Variants in TCF25 observed in about 807,000 individuals in gnomAD.
TCF25 encodes the protein TCF25 ribosome quality control complex subunit, also known as ribosome quality control complex subunit TCF25.
In TCF25, 41 loss-of-function variants were observed where a neutral mutation model predicts 83.1. That is an observed-to-expected ratio of 0.49 (90% confidence interval 0.38 to 0.64). The LOEUF is 0.64. TCF25 is among the 30% of genes least tolerant of loss of function. The probability of loss-of-function intolerance (pLI) is 0.00; values close to 1 mark genes in which losing one functional copy is unlikely to be tolerated. For synonymous variants in TCF25, 458 were observed against 365.0 expected, an observed-to-expected ratio of 1.25 and a Z score of -2.90; for missense variants, 979 against 914.5, an observed-to-expected ratio of 1.07 and a Z score of -0.91.
chr16:89,873,710 G>A lies in TCF25; in HGVS notation c.43G>A (p.Gly15Ser). ...ALRRLRGEQR[G>S]QEPLGPGALH... ...CCGGAGGCTGAGGGGGGAACAGCGC[G>A]GCCAGGAGCCCCTCGGGCCCGGCGC... The change falls in exon 1 of 18, where the codon GGC becomes AGC. Residue 15 changes from glycine to serine, a missense_variant. Transcript: ENST00000263346. 1 of 1,609,872 alleles carries A rather than the reference G, an allele frequency of 6.2e-7. No individual in the cohort carries two copies. The highest frequency in any genetic ancestry group is 8.5e-7 in the Non-Finnish European group (1 of 1,178,890).
At position 89,873,672 on chromosome 16, in the gene TCF25, C is replaced by T. The variant is rs1408589755; in HGVS notation, c.5C>T (p.Ser2Leu). Reference sequence around the variant, plus strand: ...ACGTCGTGGTCGTTCGGTCCTATGTCGCGCCGGGCCCTCCGGAGGCTGAGG... The same window carrying T: ...ACGTCGTGGTCGTTCGGTCCTATGTTGCGCCGGGCCCTCCGGAGGCTGAGG... The part of the protein sequence containing the change: M[S>L]RRALRRLRGE... Residue 2 changes from serine to leucine, a missense_variant, in exon 1 of 18, where the codon TCG (serine) becomes TTG (leucine). Transcript: ENST00000263346. 1 of 1,595,698 alleles carries T rather than the reference C, an allele frequency of 6.3e-7. No individual in the cohort carries two copies. Among genetic ancestry groups the T allele is most frequent in the Non-Finnish European group, 8.5e-7 (1 of 1,174,374 alleles).
chr16:89,875,045 G>A (rs1180409376), intron 1 of TCF25, among the ~76,000 whole-genome samples: 1 of 152,158 alleles, frequency 6.6e-6, no homozygotes, highest in Non-Finnish European at 1.5e-5. Context: ...TGTTGCCCAG[G>A]CTGGAGTGCA....
At chr16:89,890,731 C>T (rs1364754106) in intron 5 of TCF25, 1 of 151,984 alleles carries the variant, frequency 6.6e-6, no homozygotes. Context: ...TATATTTTTG[C>T]ATGGTTTTAT....
intron 12 of TCF25, among the ~76,000 whole-genome samples, chr16:89,902,622 G>A (rs1275033378): frequency 6.8e-6 from 1 of 147,174 alleles, no homozygotes; most frequent in East Asian, 2.3e-4. Flanking sequence ...CCAGGAGGCA[G>A]AGCTTGCAGT....
At chr16:89,896,657 C>T (rs1216231059) in intron 9 of TCF25, among the ~76,000 whole-genome samples, 1 of 151,534 alleles carries the variant, frequency 6.6e-6, no homozygotes. Context: ...GGGTTCAAGC[C>T]ATTCTCCTGC....
intron 2 of TCF25, chr16:89,883,797 C>T (rs1055417394): frequency 6.2e-6 from 2 of 325,114 alleles, no homozygotes; most frequent in Non-Finnish European, 1.1e-5. Flanking sequence ...ACGTGTGTCC[C>T]TCCTAGCCGA....
intron 1 of TCF25, among the ~76,000 whole-genome samples, chr16:89,878,921 G>A (rs1011606675): frequency 1.8e-4 from 27 of 152,316 alleles, no homozygotes; most frequent in African/African-American, 6.0e-4. Flanking sequence ...GATTACAGGC[G>A]TGAGCCACCG....
rs552201446 is a variant in TCF25, at chr16:89,895,203, C to T, written c.928+66C>T. On this transcript the variant is annotated intron_variant, in intron 8 of 17. Transcript: ENST00000263346. ...GCACCTCAAGCTATCAAGACAGATG[C>T]GATGGTGTAAGATGACAGGGGTTGC... 4.2e-5 allele frequency: 61 copies of T among 1,449,548 alleles called. No homozygotes were observed. The South Asian group carries it at 4.6e-4, about 11-fold the overall frequency. The allele number at this position is 1,449,548 out of a possible 1,614,324, so 89.8% of individuals were successfully genotyped here.
chr16:89,889,470 C>G, intron 5 of TCF25: 1 of 207,898 alleles, frequency 4.8e-6, no homozygotes, highest in South Asian at 6.4e-5. Flanking sequence ...AGCCACCACG[C>G]CCAGCCAGAC....
chr16:89,875,331 G>T (rs1006104609), intron 1 of TCF25, among the ~76,000 whole-genome samples: 4 of 151,636 alleles, frequency 2.6e-5, no homozygotes, highest in African/African-American at 9.7e-5. Context: ...TTTTATAGGG[G>T]GTTTGGACAG....
chr16:89,896,462 C>T (rs1016334743), intron 9 of TCF25, among the ~76,000 whole-genome samples: 1 of 151,738 alleles, frequency 6.6e-6, no homozygotes, highest in African/African-American at 2.4e-5. Context: ...AATCCCAGCA[C>T]TTTGGGAGGC....
At position 89,887,684 on chromosome 16, in the gene TCF25, AT is replaced by A; in HGVS notation, c.585del (p.Phe195LeufsTer25). 1.3e-6 allele frequency: 2 copies of A among 1,589,688 alleles called. No individual in the cohort carries two copies. The highest frequency in any genetic ancestry group is 1.7e-6 in the Non-Finnish European group (2 of 1,172,708). On this transcript the variant is annotated frameshift_variant, in exon 5 of 18. Transcript: ENST00000263346. LOFTEE classifies it high-confidence loss of function. ...HLNPDTELKR[Y>X]FGARAILGEQ... ...AATCCAGACACAGAACTGAAAAGGTATTTTGGTGCCCGGGCAATCCTGGGGG... is the reference window on the plus strand; with the variant it reads ...AATCCAGACACAGAACTGAAAAGGTATTTGGTGCCCGGGCAATCCTGGGGG...
In TCF25 at chr16:89,911,259, A is replaced by G. The variant is rs1421217183; in HGVS notation, c.*21A>G. 1.9e-6 allele frequency: 3 copies of G among 1,610,856 alleles called. No individual in the cohort carries two copies. In the African/African-American group the frequency reaches 4.0e-5, roughly 22 times the overall value. The stretch of plus-strand genomic sequence containing the variant: ...ACTGAGCGTCCGCAGAGGTGACCGA[A>G]AAGCCGTATGATGATGTTCCCGATT... On this transcript the variant is annotated 3_prime_UTR_variant, in exon 18 of 18. Coordinates refer to ENST00000263346, the MANE Select transcript of TCF25 (RefSeq NM_014972.3).
intron 5 of TCF25, 84 bp from the exon 6 acceptor site, chr16:89,892,109 A>G: frequency 7.4e-7 from 1 of 1,350,608 alleles, no homozygotes; most frequent in Non-Finnish European, 9.8e-7. Flanking sequence ...TTGCTTCCAC[A>G]GCCCGTGCAG....
chr16:89,895,885 C>T (rs1042869454), intron 8 of TCF25, 105 bp from the exon 9 acceptor site: 25 of 1,012,376 alleles, frequency 2.5e-5, no homozygotes, highest in South Asian at 6.1e-5. Flanking sequence ...ACTCTAGTTT[C>T]GTGACCTTCC....
rs1164528945 is a variant in TCF25 at position 89,875,820 on chromosome 16, C to CTTTTTTTTTTTTTTT, written c.192+1975_192+1989dup. 2.8e-4 allele frequency among the ~76,000 whole-genome samples: 18 copies of CTTTTTTTTTTTTTTT among 64,862 alleles called. 3 individuals carry two copies. In the South Asian group the frequency reaches 2.8e-3, roughly 10 times the overall value. 42.6% of individuals were successfully genotyped at this position (64,862 alleles called of 152,430 possible). A position where few individuals can be genotyped will look rare whatever the true frequency, so the allele number is the denominator to read the frequency against. On this transcript the variant is annotated intron_variant, in intron 1 of 17. Transcript: ENST00000263346. The stretch of plus-strand genomic sequence containing the variant: ...TACAGGCGTGAGCCACTGCGCCTGG[C>CTTTTTTTTTTTTTTT]TTTTTTTTTTTTTTTTTTTTTTTTT...
At chr16:89,894,582 A>G (rs572022806) in intron 7 of TCF25, among the ~76,000 whole-genome samples, 19 of 152,294 alleles carry the variant, frequency 1.2e-4, no homozygotes, top group South Asian at 6.2e-4. Context: ...TTTAAGTCAT[A>G]TAATTGGTTC....
At chr16:89,906,162 A>G (rs768112708) in intron 14 of TCF25, 32 bp from the exon 15 acceptor site, 1 of 1,597,376 alleles carries the variant, frequency 6.3e-7, no homozygotes, top group Admixed American at 1.7e-5. Context: ...GCTGTGCTTT[A>G]TCTGCTGTGC....
intron 1 of TCF25, among the ~76,000 whole-genome samples, chr16:89,878,224 G>A (rs2042334151): frequency 6.6e-6 from 1 of 151,940 alleles, no homozygotes; most frequent in African/African-American, 2.4e-5. Context: ...AGGCTGCAGT[G>A]AGGTGAGATG....
Sources: allele counts gnomAD v4.1 joint callset (sites outside exome capture counted in the v4.1 genomes callset), GRCh38; gene constraint gnomAD v4.1.1; transcripts MANE v1.5; gene names NCBI Gene and HGNC (gene_info 2026-07-23, HGNC 2026-07-21).